The following WWOX variants were observed in gnomAD, a reference collection of about 807,000 sequenced individuals.
The protein encoded by WWOX is WW domain containing oxidoreductase.
Under a neutral mutation model 46.2 loss-of-function variants are expected in WWOX, and 69 were observed. That is an observed-to-expected ratio of 1.49 (90% CI 1.23 to 1.82). The LOEUF is 1.82. Ranked by LOEUF, WWOX falls within the 40% of genes most tolerant of loss-of-function variation. The pLI is 0.00. For synonymous variants in WWOX, 359 were observed against 202.6 expected, an observed-to-expected ratio of 1.77 and a Z score of -6.56; for missense variants, 919 against 542.6, an observed-to-expected ratio of 1.69 and a Z score of -6.89.
chr16:78,787,088 C>A (rs574449802), intron 8 of WWOX, among the ~76,000 whole-genome samples: 5 of 152,242 alleles, frequency 3.3e-5, no homozygotes, highest in Middle Eastern at 3.4e-3. Flanking sequence ...GCGGAGGTTG[C>A]AGTGAGCCAA....
intron 8 of WWOX, among the ~76,000 whole-genome samples, chr16:78,514,448 G>A (rs2085439915): frequency 1.3e-5 from 2 of 152,188 alleles, no homozygotes; most frequent in Non-Finnish European, 1.5e-5. Context: ...TTTTCCATGT[G>A]TGGAGGTAAA....
At chr16:78,993,535 C>A (rs760491978) in intron 8 of WWOX, among the ~76,000 whole-genome samples, 6 of 152,164 alleles carry the variant, frequency 3.9e-5, no homozygotes, top group Non-Finnish European at 5.9e-5. Context: ...CAAAGGAGGA[C>A]TATTACAGTG....
chr16:78,538,042 C>T (rs868817872), intron 8 of WWOX, among the ~76,000 whole-genome samples: 1 of 151,904 alleles, frequency 6.6e-6, no homozygotes, highest in African/African-American at 2.4e-5. Flanking sequence ...AAATCATGAA[C>T]ACTGTCTTTT....
chr16:78,480,906 C>T (rs748759046), intron 8 of WWOX, among the ~76,000 whole-genome samples: 3 of 152,180 alleles, frequency 2.0e-5, no homozygotes, highest in Non-Finnish European at 2.9e-5. Context: ...GACTTACAAA[C>T]ATTTGTGCAA....
intron 8 of WWOX, among the ~76,000 whole-genome samples, chr16:78,814,772 C>G (rs2051287131): frequency 6.6e-6 from 1 of 152,190 alleles, no homozygotes; most frequent in Non-Finnish European, 1.5e-5. Context: ...GACATTACAG[C>G]CAAGGCCTTC....
rs1302295586 is a variant in WWOX, at chr16:78,346,468, G to C, written c.517-40392G>C. 4.2e-5 allele frequency among the ~76,000 whole-genome samples: 5 copies of C among 119,392 alleles called. 2 individuals carry two copies. Among genetic ancestry groups the C allele is most frequent in the Non-Finnish European group, 1.0e-4 (5 of 50,004 alleles). 78.3% of individuals were successfully genotyped at this position (119,392 alleles called of 152,430 possible). A position where few individuals can be genotyped will look rare whatever the true frequency, so the allele number is the denominator to read the frequency against. On this transcript the variant is annotated intron_variant, in intron 5 of 8. Coordinates refer to ENST00000566780, the MANE Select transcript of WWOX (RefSeq NM_016373.4). ...TAGGGCTATGTATAACTTTTTAAGAGGTTGGCAAATACTTCCCTAAAGTGG... is the reference window on the plus strand; with the variant it reads ...TAGGGCTATGTATAACTTTTTAAGACGTTGGCAAATACTTCCCTAAAGTGG...
At chr16:78,746,402 G>A (rs967796384) in intron 8 of WWOX, among the ~76,000 whole-genome samples, 2 of 152,140 alleles carry the variant, frequency 1.3e-5, no homozygotes, top group African/African-American at 2.4e-5. Flanking sequence ...GGAGGCTGAG[G>A]CAGGAGGATC....
chr16:78,753,800 T>C (rs2049548117), intron 8 of WWOX, among the ~76,000 whole-genome samples: 1 of 18,376 alleles, frequency 5.4e-5, no homozygotes, highest in South Asian at 2.5e-3. Context: ...AGACCCTATA[T>C]CAAAAAAAAA....
chr16:78,340,039 A>G (rs1043844885), intron 5 of WWOX, among the ~76,000 whole-genome samples: 1 of 22,424 alleles, frequency 4.5e-5, no homozygotes, highest in African/African-American at 1.7e-4. Flanking sequence ...GGACGTTTCT[A>G]TTTCCTTTAT....
At chr16:78,347,456 C>T (rs1477179723) in intron 5 of WWOX, among the ~76,000 whole-genome samples, 2 of 118,352 alleles carry the variant, frequency 1.7e-5, no homozygotes, top group South Asian at 2.6e-4. Context: ...CATAAAGTCA[C>T]GCTGTTACCC....
chr16:78,483,874 A>G (rs1201329823), intron 8 of WWOX, among the ~76,000 whole-genome samples: 1 of 152,212 alleles, frequency 6.6e-6, no homozygotes, highest in African/African-American at 2.4e-5. Context: ...GACTTTGCTC[A>G]CAAAAACATC....
At chr16:78,899,854 G>A (rs1020855927) in intron 8 of WWOX, among the ~76,000 whole-genome samples, 1 of 152,110 alleles carries the variant, frequency 6.6e-6, no homozygotes, top group East Asian at 1.9e-4. Context: ...GGCTCCTAAG[G>A]TTCAGGTATT....
chr16:78,390,910 A>G (rs536803587), intron 6 of WWOX, among the ~76,000 whole-genome samples: 1 of 152,328 alleles, frequency 6.6e-6, no homozygotes, highest in Admixed American at 6.5e-5. Flanking sequence ...CTCTTATTTA[A>G]TATGCCGTTT....
intron 5 of WWOX, among the ~76,000 whole-genome samples, chr16:78,197,498 A>T: frequency 6.6e-6 from 1 of 152,238 alleles, no homozygotes; most frequent in East Asian, 1.9e-4. Context: ...TTTTTTTCAT[A>T]TGTTTTGAGG....
At chr16:78,418,744 G>A (rs543685908) in intron 6 of WWOX, among the ~76,000 whole-genome samples, 2 of 152,050 alleles carry the variant, frequency 1.3e-5, no homozygotes, top group South Asian at 2.1e-4. Context: ...GGTCCAGCAC[G>A]CTTTCTTGAT....
chr16:78,689,518 A>C lies in WWOX; in HGVS notation c.1056+256766A>C, dbSNP rs145492148. ...GCTCCTCTCTCCTTGCTGGATCTTC[A>C]TAGTCCAGTCTTTGTAAGAGTCATT... On this transcript the variant is annotated intron_variant, in intron 8 of 8. Coordinates refer to ENST00000566780, the MANE Select transcript of WWOX (RefSeq NM_016373.4). Among the ~76,000 whole-genome samples, 420 of 152,300 alleles carry C rather than the reference A, an allele frequency of 2.8e-3. 2 individuals are homozygous for C. Among genetic ancestry groups the C allele is most frequent in the African/African-American group, 9.7e-3 (404 of 41,570 alleles).
intron 8 of WWOX, among the ~76,000 whole-genome samples, chr16:78,830,702 T>C (rs1567590218): frequency 6.6e-6 from 1 of 151,892 alleles, no homozygotes; most frequent in Non-Finnish European, 1.5e-5. Flanking sequence ...TGCAGCTTTC[T>C]GGGCTGTTCA....
intron 8 of WWOX, among the ~76,000 whole-genome samples, chr16:79,076,103 G>A (rs1305598272): frequency 6.6e-5 from 10 of 152,152 alleles, no homozygotes; most frequent in African/African-American, 1.7e-4. Flanking sequence ...ATACATTGCC[G>A]AGATTTGTAA....
rs149076531 is a variant in WWOX, at chr16:78,276,999, T to C, written c.517-109861T>C. On this transcript the variant is annotated intron_variant, in intron 5 of 8. Transcript: ENST00000566780. ...TGGGATGGATGGGATAAGGAACTTATTATTAATGTGTCACTGTGGGAAACT... is the reference window on the plus strand; with the variant it reads ...TGGGATGGATGGGATAAGGAACTTACTATTAATGTGTCACTGTGGGAAACT... Among the ~76,000 whole-genome samples, 929 of 152,320 alleles carry C rather than the reference T, an allele frequency of 6.1e-3. 9 individuals are homozygous for C. The highest frequency in any genetic ancestry group is 0.018 in the African/African-American group (758 of 41,570).
Sources: gnomAD v4.1 joint callset for allele counts (sites outside exome capture counted in the v4.1 genomes callset) on GRCh38, gnomAD v4.1.1 for gene constraint, MANE v1.5 for transcripts, NCBI Gene and HGNC (gene_info 2026-07-23, HGNC 2026-07-21) for gene names.